Variants in CAB39L observed in about 807,000 individuals in gnomAD.
The protein encoded by CAB39L is calcium binding protein 39 like.
A neutral mutation model predicts 39.1 loss-of-function variants in CAB39L; 23 were observed. The ratio of observed to expected loss-of-function variants is 0.59; its 90% CI spans 0.42 to 0.83. CAB39L has a LOEUF of 0.83. Ranked by LOEUF, CAB39L falls within the 40% of genes least tolerant of loss-of-function variation. CAB39L has a pLI of 0.00. For synonymous variants in CAB39L, 126 were observed against 137.2 expected (o/e 0.92, Z 0.57); for missense variants, 366 against 391.9 (o/e 0.93, Z 0.56).
chr13:49,344,090 T>C, intron 8 of CAB39L, 89 bp downstream of exon 8: 2 of 794,458 alleles, frequency 2.5e-6, no homozygotes, highest in East Asian at 2.5e-5. Context: ...TGATTTCTCT[T>C]GTGGATAATT....
Position 49,358,664 on chromosome 13 carries a change from C to T in CAB39L, c.395+1050G>A, listed in dbSNP as rs575586051. Among the ~76,000 whole-genome samples, 6 of 152,138 alleles carry T rather than the reference C, an allele frequency of 3.9e-5. No homozygotes were observed. The East Asian group carries it at 5.8e-4, about 15-fold the overall frequency. ...TCACTTGAGGTCAGGAGGTCGAGACCAGCCTGGCCAAATAGTGAAAACCTG... is the reference window on the plus strand; with the variant it reads ...TCACTTGAGGTCAGGAGGTCGAGACTAGCCTGGCCAAATAGTGAAAACCTG... On this transcript the variant is annotated intron_variant, in intron 6 of 10. Coordinates refer to ENST00000409308, the MANE Select transcript of CAB39L (RefSeq NM_001079670.3).
At chr13:49,414,152 A>C (rs764294178) in intron 3 of CAB39L, 4 of 152,258 alleles carry the variant, frequency 2.6e-5, no homozygotes, top group Non-Finnish European at 5.9e-5. Flanking sequence ...TAAAAGATTA[A>C]CAATTTCTCC....
chr13:49,367,236 G>C (rs1461488337), intron 5 of CAB39L, among the ~76,000 whole-genome samples: 1 of 152,094 alleles, frequency 6.6e-6, no homozygotes, highest in Admixed American at 6.5e-5. Context: ...TACCAAAGAG[G>C]ATATACAGAT....
At chr13:49,412,378 AT>A (rs1290750376) in intron 3 of CAB39L, among the ~76,000 whole-genome samples, 32 of 145,014 alleles carry the variant, frequency 2.2e-4, no homozygotes, top group Admixed American at 2.2e-3. Flanking sequence ...AAAAAAAAAA[AT>A]GGCAAAAACC....
At chr13:49,323,091 G>A (rs887961293) in intron 10 of CAB39L, among the ~76,000 whole-genome samples, 1 of 152,068 alleles carries the variant, frequency 6.6e-6, no homozygotes, top group South Asian at 2.1e-4. Context: ...GAGCCTCTCT[G>A]TATTCTCTAT....
At chr13:49,321,996 A>C (rs1350236314) in intron 10 of CAB39L, among the ~76,000 whole-genome samples, 3 of 152,236 alleles carry the variant, frequency 2.0e-5, no homozygotes, top group Non-Finnish European at 2.9e-5. Context: ...CTTTATTAAA[A>C]TTCAGACTAT....
chr13:49,350,729 GA>G lies in CAB39L; in HGVS notation c.564+14del, dbSNP rs112960385. ...ACTATAAATTGACCTAGCTGAGTTG[GA>G]AAAAAAAAATTACCTTGAAAGTAGC... On this transcript the variant is annotated intron_variant, in intron 7 of 10. Transcript: ENST00000409308. 7.8e-4 allele frequency: 1,112 copies of G among 1,424,230 alleles called. No homozygotes were observed. Among genetic ancestry groups the G allele is most frequent in the South Asian group, 2.4e-3 (171 of 70,078 alleles). The allele number at this position is 1,424,230 out of a possible 1,614,324, so 88.2% of individuals were successfully genotyped here.
chr13:49,379,830 A>T, intron 4 of CAB39L, among the ~76,000 whole-genome samples: 1 of 151,418 alleles, frequency 6.6e-6, no homozygotes, highest in East Asian at 1.9e-4. Context: ...CTTAGTCAAC[A>T]TACACTAAAT....
At chr13:49,405,023 T>C (rs1340522850) in intron 3 of CAB39L, among the ~76,000 whole-genome samples, 1 of 152,078 alleles carries the variant, frequency 6.6e-6, no homozygotes, top group East Asian at 1.9e-4. Flanking sequence ...TTCAAAGAGA[T>C]AGCAGAGAAC....
Position 49,349,937 on chromosome 13 carries a change from T to C in CAB39L, c.564+807A>G, listed in dbSNP as rs541278723. Among the ~76,000 whole-genome samples, 3 of 152,330 alleles carry C rather than the reference T, an allele frequency of 2.0e-5. No individual in the cohort carries two copies. The East Asian group carries it at 5.8e-4, about 29-fold the overall frequency. On this transcript the variant is annotated intron_variant, in intron 7 of 10. Coordinates refer to ENST00000409308, the MANE Select transcript of CAB39L (RefSeq NM_001079670.3). ...ATTAGATGACTAAGTTTTGGTATGT[T>C]TGTCTGCAAATTAGCTGCACTCTTT...
At chr13:49,317,104 T>A (rs1158158160) in intron 10 of CAB39L, among the ~76,000 whole-genome samples, 1 of 152,084 alleles carries the variant, frequency 6.6e-6, no homozygotes, top group Non-Finnish European at 1.5e-5. Context: ...CTGTCTGTGG[T>A]ACTTTGTTAT....
At chr13:49,415,674 A>G (rs1346942284) in intron 3 of CAB39L, among the ~76,000 whole-genome samples, 3 of 152,116 alleles carry the variant, frequency 2.0e-5, no homozygotes, top group Non-Finnish European at 2.9e-5. Context: ...GGGCACAGGA[A>G]GGGTGCTGAT....
At chr13:49,404,306 A>G (rs1956830500) in intron 3 of CAB39L, among the ~76,000 whole-genome samples, 1 of 152,216 alleles carries the variant, frequency 6.6e-6, no homozygotes. Context: ...GCAAGTCACA[A>G]CATTACTGGG....
intron 4 of CAB39L, among the ~76,000 whole-genome samples, chr13:49,377,385 T>C (rs6561523): frequency 1 from 95,212 of 95,212 alleles, 47,606 homozygotes; most frequent in Non-Finnish European, 1. Flanking sequence ...AGAAACTTTT[T>C]CGGCTCTCCC....
intron 5 of CAB39L, among the ~76,000 whole-genome samples, chr13:49,369,397 C>T (rs74072536): frequency 0.011 from 1,744 of 152,264 alleles, 38 homozygotes; most frequent in African/African-American, 0.04. Context: ...CAACAGACTC[C>T]TAATACATGG....
At chr13:49,426,084 T>C (rs1254034604) in intron 3 of CAB39L, among the ~76,000 whole-genome samples, 7 of 152,264 alleles carry the variant, frequency 4.6e-5, no homozygotes, top group African/African-American at 1.7e-4. Context: ...TTCTTTGCAT[T>C]AAACAAAAGC....
At chr13:49,354,262 C>G (rs1285370906) in intron 6 of CAB39L, among the ~76,000 whole-genome samples, 1 of 152,190 alleles carries the variant, frequency 6.6e-6, no homozygotes, top group African/African-American at 2.4e-5. Context: ...ATCTGTCATT[C>G]TGAGATTACA....
At chr13:49,346,632 G>A (rs1955185766) in intron 7 of CAB39L, among the ~76,000 whole-genome samples, 1 of 152,156 alleles carries the variant, frequency 6.6e-6, no homozygotes, top group African/African-American at 2.4e-5. Context: ...AAAGGCTGAG[G>A]AGCCAGCGAC....
intron 8 of CAB39L, among the ~76,000 whole-genome samples, chr13:49,340,548 T>C (rs556919996): frequency 2.0e-5 from 3 of 152,182 alleles, no homozygotes; most frequent in African/African-American, 7.2e-5. Context: ...GAGAATAAAG[T>C]GAAAAGTAAA....
Sources: gnomAD v4.1 joint callset for allele counts (sites outside exome capture counted in the v4.1 genomes callset) on GRCh38, gnomAD v4.1.1 for gene constraint, MANE v1.5 for transcripts, NCBI Gene and HGNC (gene_info 2026-07-23, HGNC 2026-07-21) for gene names.